ADGRV1: variants seen among roughly 807,000 people sequenced by gnomAD.
The protein encoded by ADGRV1 is G-protein coupled receptor 98.
In ADGRV1, 359 loss-of-function variants were observed where a neutral mutation model predicts 596.2. The ratio of observed to expected loss-of-function variants is 0.60; its 90% CI spans 0.55 to 0.66. The LOEUF is 0.66. Among genes scored for constraint, ADGRV1 ranks in the 30% least tolerant of loss-of-function variants. The pLI, the probability that ADGRV1 is intolerant of heterozygous loss-of-function variation, is 0.00. For synonymous variants in ADGRV1, 2,681 were observed against 2,679.2 expected, an observed-to-expected ratio of 1.00 and a Z score of -0.02; for missense variants, 7,274 against 7,575.6, an observed-to-expected ratio of 0.96 and a Z score of 1.48.
rs1781941264 is a variant in ADGRV1, at chr5:91,002,624, AAATT to A, written c.18152+17104_18152+17107del. 2.0e-5 allele frequency among the ~76,000 whole-genome samples: 3 copies of A among 149,610 alleles called. No homozygotes were observed. The South Asian group carries it at 6.2e-4, about 31-fold the overall frequency. On this transcript the variant is annotated intron_variant, in intron 85 of 89. Coordinates refer to ENST00000405460, the MANE Select transcript of ADGRV1 (RefSeq NM_032119.4). ...TTTCTGGCCCCTTTAATAATTTTCA[AAATT>A]ATTATCTTTTTTTTCTGAATTTGAG...
intron 61 of ADGRV1, among the ~76,000 whole-genome samples, chr5:90,777,188 G>T (rs1758336337): frequency 6.6e-6 from 1 of 152,114 alleles, no homozygotes; most frequent in Non-Finnish European, 1.5e-5. Flanking sequence ...GCTGGAGCAG[G>T]TGGAAGGGGT....
chr5:91,159,663 C>T (rs561075763), intron 89 of ADGRV1, among the ~76,000 whole-genome samples: 10 of 152,116 alleles, frequency 6.6e-5, no homozygotes, highest in South Asian at 2.1e-4. Context: ...AAATGAGACA[C>T]TGAGTTCTAG....
intron 1 of ADGRV1, among the ~76,000 whole-genome samples, chr5:90,569,712 A>C (rs1756274166): frequency 6.6e-6 from 1 of 150,986 alleles, no homozygotes. Flanking sequence ...TGTTTCTTTT[A>C]TTATATTCTT....
chr5:90,626,675 T>TA (rs1764805080), intron 6 of ADGRV1: 1 of 152,216 alleles, frequency 6.6e-6, no homozygotes, highest in African/African-American at 2.4e-5. Flanking sequence ...TAGTGACTCT[T>TA]ACAGCTTTTT....
chr5:91,061,157 G>A (rs1353759003), intron 85 of ADGRV1, among the ~76,000 whole-genome samples: 1 of 152,130 alleles, frequency 6.6e-6, no homozygotes, highest in African/African-American at 2.4e-5. Flanking sequence ...AATACTCTAG[G>A]ACAACGATAT....
chr5:90,951,851 T>C (rs914222664), intron 83 of ADGRV1, among the ~76,000 whole-genome samples: 1 of 152,160 alleles, frequency 6.6e-6, no homozygotes, highest in African/African-American at 2.4e-5. Context: ...ATTCATGAAA[T>C]CCAAGTTATA....
At chr5:90,787,283 A>G (rs1233865629) in intron 67 of ADGRV1, among the ~76,000 whole-genome samples, 2 of 152,190 alleles carry the variant, frequency 1.3e-5, no homozygotes, top group Non-Finnish European at 2.9e-5. Context: ...TTTGTTTCTT[A>G]TAACAATGTA....
intron 86 of ADGRV1, among the ~76,000 whole-genome samples, chr5:91,096,232 T>C (rs1247206463): frequency 6.6e-6 from 1 of 152,184 alleles, no homozygotes; most frequent in African/African-American, 2.4e-5. Flanking sequence ...GTAAATGGAG[T>C]GTGATTTCCA....
At chr5:90,628,217 C>T (rs1423865568) in intron 7 of ADGRV1, among the ~76,000 whole-genome samples, 1 of 42,664 alleles carries the variant, frequency 2.3e-5, no homozygotes, top group Non-Finnish European at 4.4e-5. Flanking sequence ...GAGACCCCGC[C>T]CACAAAATAA....
At chr5:91,023,494 T>C (rs1475481969) in intron 85 of ADGRV1, among the ~76,000 whole-genome samples, 3 of 152,180 alleles carry the variant, frequency 2.0e-5, no homozygotes, top group African/African-American at 7.2e-5. Flanking sequence ...GCTCTCTTTT[T>C]CTTTTGTTTG....
At chr5:90,732,162 A>T (rs1213656732) in intron 50 of ADGRV1, among the ~76,000 whole-genome samples, 1 of 152,136 alleles carries the variant, frequency 6.6e-6, no homozygotes, top group Non-Finnish European at 1.5e-5. Flanking sequence ...CATCATGCCC[A>T]CATAATTAAA....
At chr5:90,989,219 G>A (rs1780760056) in intron 85 of ADGRV1, among the ~76,000 whole-genome samples, 1 of 151,966 alleles carries the variant, frequency 6.6e-6, no homozygotes, top group African/African-American at 2.4e-5. Context: ...TCATCACACT[G>A]ACTTCCACAA....
In ADGRV1 at chr5:90,948,237, T is replaced by C. The variant is rs996491455; in HGVS notation, c.17857-17178T>C. Among the ~76,000 whole-genome samples the C allele has an allele frequency of 2.0e-5, 3 of 152,184 alleles. No homozygotes were observed. The East Asian group carries it at 5.8e-4, about 29-fold the overall frequency. On this transcript the variant is annotated intron_variant, in intron 83 of 89. Coordinates refer to ENST00000405460, the MANE Select transcript of ADGRV1 (RefSeq NM_032119.4). ...AGTCTGGTTCCAAAGTCTGAAATTT[T>C]TATGTTTTATAAGGAGGTGAGCTAG...
intron 36 of ADGRV1, 104 bp from the exon 37 acceptor site, chr5:90,705,296 T>A (rs1052241949): frequency 1.1e-6 from 1 of 909,600 alleles, no homozygotes; most frequent in Non-Finnish European, 1.7e-6. Flanking sequence ...GAGAAGTAAA[T>A]AGAACACTTT....
chr5:90,841,971 A>C (rs1286734963), intron 78 of ADGRV1, among the ~76,000 whole-genome samples: 1 of 152,232 alleles, frequency 6.6e-6, no homozygotes, highest in Non-Finnish European at 1.5e-5. Flanking sequence ...AAAATTCTGC[A>C]GTAAAAACTC....
At chr5:90,815,769 C>A in intron 75 of ADGRV1, 33 bp downstream of exon 75, 1 of 1,117,500 alleles carries the variant, frequency 8.9e-7, no homozygotes, top group Non-Finnish European at 1.3e-6. Flanking sequence ...GAAGACGTAA[C>A]ATTCTGTGTG....
At chr5:90,747,718 G>A (rs1754780917) in intron 52 of ADGRV1, among the ~76,000 whole-genome samples, 2 of 152,178 alleles carry the variant, frequency 1.3e-5, no homozygotes, top group African/African-American at 4.8e-5. Flanking sequence ...TGAATGTTCA[G>A]CATAAACCAC....
intron 87 of ADGRV1, among the ~76,000 whole-genome samples, chr5:91,149,570 A>T (rs1177054438): frequency 6.6e-6 from 1 of 152,000 alleles, no homozygotes; most frequent in Non-Finnish European, 1.5e-5. Flanking sequence ...GGTGGCTCAC[A>T]CCTGTAATCC....
intron 86 of ADGRV1, among the ~76,000 whole-genome samples, chr5:91,092,445 G>A (rs1790467020): frequency 6.6e-6 from 1 of 152,152 alleles, no homozygotes; most frequent in South Asian, 2.1e-4. Context: ...TTTGGTGACA[G>A]TTTGAATGTG....
Sources: allele counts gnomAD v4.1 joint callset (sites outside exome capture counted in the v4.1 genomes callset), GRCh38; gene constraint gnomAD v4.1.1; transcripts MANE v1.5; gene names NCBI Gene and HGNC (gene_info 2026-07-23, HGNC 2026-07-21).